The following NRXN1 variants were observed in gnomAD, a reference collection of about 807,000 sequenced individuals.
NRXN1 encodes neurexin-1.
A neutral mutation model predicts 150.9 loss-of-function variants in NRXN1; 39 were observed. The ratio of observed to expected loss-of-function variants is 0.26; its 90% CI spans 0.20 to 0.34. The LOEUF is 0.34. NRXN1 is among the 10% of genes least tolerant of loss of function. The probability of loss-of-function intolerance (pLI) is 1.00; values close to 1 mark genes in which losing one functional copy is unlikely to be tolerated. For synonymous variants in NRXN1, 924 were observed against 757.0 expected, an observed-to-expected ratio of 1.22 and a Z score of -3.62; for missense variants, 1,815 against 1,949.9, an observed-to-expected ratio of 0.93 and a Z score of 1.30.
intron 18 of NRXN1, among the ~76,000 whole-genome samples, chr2:50,215,330 T>G (rs1044466904): frequency 6.6e-6 from 1 of 152,034 alleles, no homozygotes; most frequent in African/African-American, 2.4e-5. Context: ...AAAGGCCTAT[T>G]ATAAATAAAT....
chr2:50,976,184 TTA>T (rs1396103154), intron 2 of NRXN1, among the ~76,000 whole-genome samples: 4 of 150,124 alleles, frequency 2.7e-5, no homozygotes, highest in African/African-American at 7.4e-5. Flanking sequence ...ATCAATTATT[TTA>T]TGTTATTCTT....
At chr2:50,479,775 T>TC (rs1553673280) in intron 15 of NRXN1, among the ~76,000 whole-genome samples, 6 of 130,124 alleles carry the variant, frequency 4.6e-5, no homozygotes, top group South Asian at 2.7e-4. Context: ...TTCTTTTTTT[T>TC]TTTTTTTTTT....
chr2:50,840,759 A>G (rs746372534), intron 5 of NRXN1, among the ~76,000 whole-genome samples: 2 of 152,176 alleles, frequency 1.3e-5, no homozygotes, highest in African/African-American at 2.4e-5. Flanking sequence ...GATCCACTCT[A>G]TAGAAATCTC....
chr2:50,265,200 G>A (rs374862562), intron 17 of NRXN1, among the ~76,000 whole-genome samples: 1 of 151,958 alleles, frequency 6.6e-6, no homozygotes, highest in Non-Finnish European at 1.5e-5. Flanking sequence ...CTCATGGTGG[G>A]AATATATTTG....
At chr2:50,325,889 C>T (rs1466183908) in intron 17 of NRXN1, among the ~76,000 whole-genome samples, 1 of 152,046 alleles carries the variant, frequency 6.6e-6, no homozygotes, top group African/African-American at 2.4e-5. Flanking sequence ...TTTACTTTTC[C>T]TTCTTCACAG....
chr2:50,573,034 A>C lies in NRXN1; in HGVS notation c.1321-20009T>G, dbSNP rs760029935. Among the ~76,000 whole-genome samples the C allele has an allele frequency of 2.6e-5, 4 of 152,174 alleles. 1 individual carries two copies. The highest frequency in any genetic ancestry group is 4.4e-5 in the Non-Finnish European group (3 of 68,036). On this transcript the variant is annotated intron_variant, in intron 8 of 22. Coordinates refer to ENST00000401669, the MANE Select transcript of NRXN1 (RefSeq NM_001330078.2). Reference sequence around the variant, plus strand: ...AATACAATTGGATAATATGCAATGTACTTTTACGGTGAGTTAAAAATGCAT... The same window carrying C: ...AATACAATTGGATAATATGCAATGTCCTTTTACGGTGAGTTAAAAATGCAT...
rs1250749936 is a variant in NRXN1, at chr2:50,799,907, C to A, written c.832+121962G>T. Among the ~76,000 whole-genome samples the A allele has an allele frequency of 2.0e-5, 3 of 152,104 alleles. No homozygotes were observed. In the East Asian group the frequency reaches 5.8e-4, roughly 29 times the overall value. Reference sequence around the variant, plus strand: ...CCTCAATTACAAACACACATACACACACACACACGAGAGAGACAGAGACAG... The same window carrying A: ...CCTCAATTACAAACACACATACACAAACACACACGAGAGAGACAGAGACAG... On this transcript the variant is annotated intron_variant, in intron 5 of 22. Transcript: ENST00000401669.
chr2:50,028,542 C>G (rs138328088), intron 21 of NRXN1, among the ~76,000 whole-genome samples: 2 of 152,202 alleles, frequency 1.3e-5, no homozygotes, highest in African/African-American at 4.8e-5. Flanking sequence ...AGCATTAAAA[C>G]AAGGGAGTCT....
chr2:50,041,921 T>C (rs549836068), intron 21 of NRXN1, among the ~76,000 whole-genome samples: 1 of 152,274 alleles, frequency 6.6e-6, no homozygotes, highest in Non-Finnish European at 1.5e-5. Context: ...GGCAAAATTA[T>C]GCCACTTTGG....
chr2:49,943,504 A>G (rs1672360894), intron 22 of NRXN1, among the ~76,000 whole-genome samples, 200 bp downstream of exon 22: 1 of 152,218 alleles, frequency 6.6e-6, no homozygotes, highest in Non-Finnish European at 1.5e-5. Flanking sequence ...TCTGAAATAC[A>G]TAATCTTGGC....
At chr2:50,088,662 T>C (rs899822341) in intron 19 of NRXN1, among the ~76,000 whole-genome samples, 2 of 152,352 alleles carry the variant, frequency 1.3e-5, no homozygotes, top group East Asian at 3.9e-4. Context: ...TAAACATCTT[T>C]TACATTGTGT....
intron 9 of NRXN1, among the ~76,000 whole-genome samples, chr2:50,546,302 C>T (rs1210844497): frequency 5.3e-5 from 8 of 152,214 alleles, no homozygotes; most frequent in East Asian, 1.9e-4. Context: ...TTGTCAAGTT[C>T]GCTAAGCAGT....
chr2:50,513,357 T>C (rs1451775385), intron 12 of NRXN1, among the ~76,000 whole-genome samples: 1 of 152,176 alleles, frequency 6.6e-6, no homozygotes, highest in Non-Finnish European at 1.5e-5. Context: ...ACAATTTTTA[T>C]TTGAACACGC....
At chr2:50,775,559 G>C (rs957683559) in intron 5 of NRXN1, among the ~76,000 whole-genome samples, 9 of 152,166 alleles carry the variant, frequency 5.9e-5, no homozygotes, top group African/African-American at 1.9e-4. Flanking sequence ...TGACTTTGCA[G>C]ATAACAAACA....
At chr2:50,001,100 G>A (rs1456179812) in intron 21 of NRXN1, among the ~76,000 whole-genome samples, 1 of 152,156 alleles carries the variant, frequency 6.6e-6, no homozygotes, top group Non-Finnish European at 1.5e-5. Context: ...GACCATTGTA[G>A]TCAGTGGCTT....
intron 5 of NRXN1, among the ~76,000 whole-genome samples, chr2:50,704,247 T>A (rs561211290): frequency 3.3e-5 from 5 of 152,210 alleles, no homozygotes; most frequent in South Asian, 2.1e-4. Context: ...ATAGTTTTTT[T>A]AAATTGTTTC....
Position 49,921,769 on chromosome 2 carries a change from G to T in NRXN1, c.*175C>A. 1 of 674,942 alleles carries T rather than the reference G, an allele frequency of 1.5e-6. No homozygotes were observed. Among genetic ancestry groups the T allele is most frequent in the Non-Finnish European group, 2.4e-6 (1 of 419,502 alleles). The allele number at this position is 674,942 out of a possible 1,614,324, so 41.8% of individuals were successfully genotyped here. ...TTTTTGTTTTTTGTTTTTCTTTTTT[G>T]AGAAACAAGAGCATGAGATACTTGT... On this transcript the variant is annotated 3_prime_UTR_variant, in exon 23 of 23. Transcript: ENST00000401669.
At chr2:50,750,398 T>C (rs906250869) in intron 5 of NRXN1, among the ~76,000 whole-genome samples, 4 of 151,744 alleles carry the variant, frequency 2.6e-5, no homozygotes, top group South Asian at 4.1e-4. Flanking sequence ...TACATGTAGC[T>C]CACTAGTTGT....
intron 17 of NRXN1, among the ~76,000 whole-genome samples, chr2:50,421,808 T>A (rs1263368176): frequency 6.6e-6 from 1 of 152,138 alleles, no homozygotes; most frequent in Non-Finnish European, 1.5e-5. Context: ...CATGAAGAGA[T>A]CAGAACTGTT....
Sources: gnomAD v4.1 joint callset for allele counts (sites outside exome capture counted in the v4.1 genomes callset) on GRCh38, gnomAD v4.1.1 for gene constraint, MANE v1.5 for transcripts, NCBI Gene and HGNC (gene_info 2026-07-23, HGNC 2026-07-21) for gene names.